PRKD1: variants seen among roughly 807,000 people sequenced by gnomAD.
PRKD1 encodes the protein protein kinase D1.
A neutral mutation model predicts 95.9 loss-of-function variants in PRKD1; 63 were observed. That is an observed-to-expected ratio of 0.66 (90% CI 0.54 to 0.81). The LOEUF (loss-of-function observed/expected upper bound fraction) is 0.81. Ranked by LOEUF, PRKD1 falls within the 30% of genes least tolerant of loss-of-function variation. The pLI is 0.00. For synonymous variants in PRKD1, 425 were observed against 423.1 expected, an observed-to-expected ratio of 1.00 and a Z score of -0.05; for missense variants, 1,048 against 1,165.3, an observed-to-expected ratio of 0.90 and a Z score of 1.47.
intron 1 of PRKD1, among the ~76,000 whole-genome samples, chr14:29,839,586 T>C (rs914504554): frequency 6.6e-6 from 1 of 151,974 alleles, no homozygotes; most frequent in Non-Finnish European, 1.5e-5. Flanking sequence ...GGGCTCTGTG[T>C]CTCCATGCCA....
chr14:29,610,802 G>A (rs961616712), intron 13 of PRKD1, among the ~76,000 whole-genome samples: 6 of 152,116 alleles, frequency 3.9e-5, no homozygotes, highest in Admixed American at 3.3e-4. Context: ...GGTACATCCA[G>A]GGAATATTAT....
Position 29,599,777 on chromosome 14 carries a change from A to G in PRKD1, c.1946T>C (p.Phe649Ser). 6.2e-7 allele frequency: 1 copy of G among 1,613,178 alleles called. No homozygotes were observed. The highest frequency in any genetic ancestry group is 8.5e-7 in the Non-Finnish European group (1 of 1,179,648). ...HPGVVNLECM[F>S]ETPERVFVVM... is the part of the protein sequence containing the mutation. ...AACAAACACTCTTTCAGGCGTCTCA[A>G]ACATACACTCCAAATTTACAACACC... The change falls in exon 14 of 18, where the codon TTT (phenylalanine) becomes TCT (serine). Residue 649 changes from phenylalanine (F) to serine (S), a missense_variant. Physicochemically the swap from Phe to Ser is radical, Grantham distance 155. This residue lies in a region of PRKD1 where 739 missense variants were observed against 861.9 expected (regional missense o/e 0.86). Transcript: ENST00000331968.
intron 16 of PRKD1, among the ~76,000 whole-genome samples, chr14:29,594,471 CTCAT>C (rs1207260348): frequency 6.6e-6 from 1 of 152,142 alleles, no homozygotes; most frequent in East Asian, 1.9e-4. Context: ...TAACCTTTAT[CTCAT>C]TCAATCTTTG....
intron 13 of PRKD1, among the ~76,000 whole-genome samples, chr14:29,604,275 T>C (rs941716156): frequency 6.6e-6 from 1 of 152,184 alleles, no homozygotes; most frequent in Admixed American, 6.5e-5. Context: ...TTATTCCATA[T>C]ATGTAGTTTC....
At chr14:29,646,145 G>C (rs544419789) in intron 4 of PRKD1, among the ~76,000 whole-genome samples, 2 of 152,216 alleles carry the variant, frequency 1.3e-5, no homozygotes, top group African/African-American at 4.8e-5. Flanking sequence ...AATTCAGAAA[G>C]GGGGTTTCCT....
At chr14:29,609,718 T>A (rs866206683) in intron 13 of PRKD1, among the ~76,000 whole-genome samples, 87 of 123,746 alleles carry the variant, frequency 7.0e-4, no homozygotes, top group African/African-American at 7.7e-4. Flanking sequence ...TTCTTTATTT[T>A]TTTTTTTTTT....
intron 1 of PRKD1, among the ~76,000 whole-genome samples, chr14:29,781,753 C>T (rs1181979595): frequency 2.6e-5 from 4 of 152,214 alleles, no homozygotes; most frequent in African/African-American, 7.2e-5. Context: ...TTCTACTTCA[C>T]ATGAACATTT....
intron 1 of PRKD1, among the ~76,000 whole-genome samples, chr14:29,739,906 C>T (rs1489062334): frequency 6.6e-6 from 1 of 152,138 alleles, no homozygotes; most frequent in African/African-American, 2.4e-5. Flanking sequence ...AAATCATTAA[C>T]TCTAATGCAG....
At chr14:29,725,474 C>A in intron 2 of PRKD1, 62 bp downstream of exon 2, 1 of 1,567,084 alleles carries the variant, frequency 6.4e-7, no homozygotes, top group East Asian at 2.3e-5. Flanking sequence ...AACATATGCC[C>A]AAGAATTCTT....
At chr14:29,827,162 T>C (rs1488505954) in intron 1 of PRKD1, among the ~76,000 whole-genome samples, 3 of 151,854 alleles carry the variant, frequency 2.0e-5, no homozygotes, top group South Asian at 2.1e-4. Flanking sequence ...CAAAATTTCA[T>C]AGTTCATCAC....
chr14:29,908,407 C>T (rs542233689), intron 1 of PRKD1, among the ~76,000 whole-genome samples: 1 of 152,250 alleles, frequency 6.6e-6, no homozygotes, highest in Admixed American at 6.5e-5. Context: ...GATTCTTCTG[C>T]CTCAGCCTCC....
At chr14:29,896,606 T>C (rs1894135540) in intron 1 of PRKD1, among the ~76,000 whole-genome samples, 1 of 151,844 alleles carries the variant, frequency 6.6e-6, no homozygotes, top group African/African-American at 2.4e-5. Context: ...AAACAAGATA[T>C]GTGGCAACCA....
chr14:29,774,213 A>T (rs1888636111), intron 1 of PRKD1, among the ~76,000 whole-genome samples: 1 of 152,210 alleles, frequency 6.6e-6, no homozygotes, highest in Non-Finnish European at 1.5e-5. Context: ...TGCTGGAGAG[A>T]ATGAGATGCA....
intron 1 of PRKD1, among the ~76,000 whole-genome samples, chr14:29,738,711 G>A (rs1246753919): frequency 6.6e-6 from 1 of 152,088 alleles, no homozygotes; most frequent in East Asian, 1.9e-4. Context: ...ACTAGCACCT[G>A]CAATCACGTA....
intron 1 of PRKD1, among the ~76,000 whole-genome samples, chr14:29,795,322 C>A (rs1445221275): frequency 6.6e-6 from 1 of 151,844 alleles, no homozygotes; most frequent in East Asian, 1.9e-4. Flanking sequence ...TACATTCAAT[C>A]TCTTTTATAT....
intron 1 of PRKD1, among the ~76,000 whole-genome samples, chr14:29,783,264 T>C (rs920024146): frequency 2.6e-5 from 4 of 152,198 alleles, no homozygotes; most frequent in Non-Finnish European, 5.9e-5. Context: ...TGTCTTTCTG[T>C]ACCTGGCTTA....
At chr14:29,728,115 C>G (rs1011215533) in intron 1 of PRKD1, among the ~76,000 whole-genome samples, 3 of 151,954 alleles carry the variant, frequency 2.0e-5, no homozygotes, top group African/African-American at 7.3e-5. Context: ...ACATATGTAA[C>G]TAACCTTCAT....
intron 2 of PRKD1, among the ~76,000 whole-genome samples, chr14:29,724,814 TA>T (rs917636801): frequency 5.1e-4 from 78 of 152,102 alleles, no homozygotes; most frequent in African/African-American, 1.6e-3. Context: ...AAATAAACAA[TA>T]AAAATTTGGA....
intron 9 of PRKD1, among the ~76,000 whole-genome samples, chr14:29,632,636 C>T (rs925339857): frequency 6.6e-6 from 1 of 152,002 alleles, no homozygotes; most frequent in Non-Finnish European, 1.5e-5. Context: ...CTCCCATCAT[C>T]CCATGGTACC....
Sources: allele counts gnomAD v4.1 joint callset (sites outside exome capture counted in the v4.1 genomes callset), GRCh38; gene constraint gnomAD v4.1.1; regional missense constraint gnomAD v4.1.1; transcripts MANE v1.5; gene names NCBI Gene and HGNC (gene_info 2026-07-23, HGNC 2026-07-21).